Variants in KCNN3 observed in about 807,000 individuals in gnomAD.
The protein encoded by KCNN3 is potassium calcium-activated channel subfamily N member 3.
A neutral mutation model predicts 62.9 loss-of-function variants in KCNN3; 16 were observed. That is an observed-to-expected ratio of 0.25 (90% CI 0.17 to 0.39). The LOEUF (loss-of-function observed/expected upper bound fraction) is 0.39. KCNN3 is among the 10% of genes least tolerant of loss of function. The pLI is 1.00. For missense variants in KCNN3, 599 were observed against 949.4 expected (o/e 0.63, Z 4.85); for synonymous variants, 370 against 389.2 (o/e 0.95, Z 0.58).
chr1:154,830,870 G>T (rs1651353871), intron 1 of KCNN3, among the ~76,000 whole-genome samples: 1 of 152,166 alleles, frequency 6.6e-6, no homozygotes, highest in African/African-American at 2.4e-5. Context: ...TCATTTAGGA[G>T]ACCACGCTCC....
intron 3 of KCNN3, chr1:154,736,908 C>T (rs1282714700): frequency 1.5e-6 from 1 of 651,882 alleles, no homozygotes; most frequent in East Asian, 2.8e-5. Context: ...TTGAGAGTGT[C>T]CTTCGTTGTT....
intron 3 of KCNN3, among the ~76,000 whole-genome samples, chr1:154,760,324 T>G (rs1419493443): frequency 6.7e-6 from 1 of 150,242 alleles, no homozygotes; most frequent in East Asian, 1.9e-4. Flanking sequence ...ACAAAAATAC[T>G]GCCAATGAGG....
intron 3 of KCNN3, among the ~76,000 whole-genome samples, chr1:154,766,416 T>TTATATATATATATATTTATATATA (rs1553231998): frequency 4.2e-5 from 3 of 71,804 alleles, no homozygotes; most frequent in South Asian, 5.8e-4. Flanking sequence ...TAGCCAGGCT[T>TTATATATATATATATTTATATATA]TATATATATA....
chr1:154,733,234 A>G (rs1361861742), intron 3 of KCNN3, 90 bp from the exon 4 acceptor site: 1 of 1,389,330 alleles, frequency 7.2e-7, no homozygotes, highest in African/African-American at 1.4e-5. Flanking sequence ...AGGAAATGAG[A>G]TATTTTGCTG....
intron 2 of KCNN3, among the ~76,000 whole-genome samples, chr1:154,802,759 A>C (rs2101875312): frequency 6.6e-6 from 1 of 152,290 alleles, no homozygotes; most frequent in South Asian, 2.1e-4. Flanking sequence ...AGGGACCTGA[A>C]TGTTCCCACA....
intron 1 of KCNN3, among the ~76,000 whole-genome samples, chr1:154,845,441 G>C (rs1652014711): frequency 6.6e-6 from 1 of 152,188 alleles, no homozygotes; most frequent in African/African-American, 2.4e-5. Context: ...AGATGCACCT[G>C]CATTTGGGAG....
At position 154,772,072 on chromosome 1, in the gene KCNN3, T is replaced by C. The variant is rs1648584138; in HGVS notation, c.1351A>G (p.Met451Val). 6.2e-7 allele frequency: 1 copy of C among 1,614,168 alleles called. No homozygotes were observed. Among genetic ancestry groups the C allele is most frequent in the Non-Finnish European group, 8.5e-7 (1 of 1,180,032 alleles). Residue 451 changes from methionine to valine, a missense_variant, in exon 3 of 8, where the codon ATG becomes GTG. Physicochemically the swap from Met to Val is conservative, Grantham distance 21. Transcript: ENST00000271915. The surrounding 1 kb of genome is among the most constrained non-coding windows in gnomAD (Gnocchi z 5.6). ...GGGCAGATGGTCATGAGCGTCTTCA[T>C]GACAAAGCGGGTGTTGAAGTTGATC... The part of the protein sequence containing the change: ...NKINFNTRFV[M>V]KTLMTICPGT...
chr1:154,864,228 A>C (rs1429433930), intron 1 of KCNN3, among the ~76,000 whole-genome samples: 1 of 151,924 alleles, frequency 6.6e-6, no homozygotes, highest in Non-Finnish European at 1.5e-5. Context: ...GGTCTATCCT[A>C]CTCCTACTTT....
chr1:154,752,491 G>A (rs558164030), intron 3 of KCNN3, among the ~76,000 whole-genome samples: 7 of 152,230 alleles, frequency 4.6e-5, no homozygotes, highest in African/African-American at 1.2e-4. Flanking sequence ...AGGACTCTGC[G>A]GGCAGCAGCC....
At position 154,699,692 on chromosome 1, in the gene KCNN3, C is replaced by T. The variant is rs1699812882; in HGVS notation, c.*8284G>A. On this transcript the variant is annotated 3_prime_UTR_variant, in exon 8 of 8. Coordinates refer to ENST00000271915, the MANE Select transcript of KCNN3 (RefSeq NM_002249.6). ...TTAGCAATGTTTCTAGATGGTTAAA[C>T]TAACTTCTCTTGCTATTTTCCTCTA... is the stretch of plus-strand genomic sequence containing the variant. 2 of 152,138 alleles carry T rather than the reference C, an allele frequency of 1.3e-5. No homozygotes were observed. The allele number at this position is 152,138 out of a possible 1,614,324, so 9.4% of individuals were successfully genotyped here.
At chr1:154,728,167 T>C (rs1189868269) in intron 4 of KCNN3, among the ~76,000 whole-genome samples, 1 of 152,182 alleles carries the variant, frequency 6.6e-6, no homozygotes, top group African/African-American at 2.4e-5. Flanking sequence ...ATGGCCCACA[T>C]TTTAGCTGGC....
At chr1:154,829,823 G>C (rs929535271) in intron 1 of KCNN3, among the ~76,000 whole-genome samples, 3 of 152,142 alleles carry the variant, frequency 2.0e-5, no homozygotes. Flanking sequence ...CCGCTGGTCT[G>C]CCCTGGGCCC....
chr1:154,714,204 C>T (rs62649450), intron 6 of KCNN3, among the ~76,000 whole-genome samples: 2 of 56,698 alleles, frequency 3.5e-5, no homozygotes, highest in African/African-American at 1.4e-4. Flanking sequence ...GTGTGTGTGT[C>T]GTATGTGGTG....
At chr1:154,766,630 T>C (rs1340375358) in intron 3 of KCNN3, among the ~76,000 whole-genome samples, 6 of 149,126 alleles carry the variant, frequency 4.0e-5, no homozygotes, top group African/African-American at 1.5e-4. Flanking sequence ...CAACCCCATG[T>C]AGGGTGCTTC....
At chr1:154,792,415 C>G (rs1483042876) in intron 2 of KCNN3, among the ~76,000 whole-genome samples, 1 of 152,222 alleles carries the variant, frequency 6.6e-6, no homozygotes, top group Non-Finnish European at 1.5e-5. Flanking sequence ...CTTGTCCTCC[C>G]CATACAGACT....
intron 1 of KCNN3, among the ~76,000 whole-genome samples, chr1:154,829,717 GC>G (rs1372882548): frequency 6.6e-6 from 1 of 152,152 alleles, no homozygotes; most frequent in East Asian, 1.9e-4. Flanking sequence ...GCCCTCCTCA[GC>G]CCCCATCCCT....
chr1:154,719,483 C>T (rs1700301100), intron 5 of KCNN3, among the ~76,000 whole-genome samples: 1 of 152,088 alleles, frequency 6.6e-6, no homozygotes, highest in Non-Finnish European at 1.5e-5. Flanking sequence ...ACACAAATCA[C>T]TAGGGGAGAG....
At chr1:154,715,033 A>C in intron 5 of KCNN3, 30 bp from the exon 6 acceptor site, 1 of 1,612,888 alleles carries the variant, frequency 6.2e-7, no homozygotes, top group Non-Finnish European at 8.5e-7. Context: ...GTAGGCTGCT[A>C]TCAGGTTCAT....
intron 2 of KCNN3, among the ~76,000 whole-genome samples, chr1:154,798,105 G>A (rs1649805991): frequency 6.6e-6 from 1 of 152,090 alleles, no homozygotes; most frequent in South Asian, 2.1e-4. Context: ...ACAATTCCTG[G>A]GACAGGGTAG....
Sources: gnomAD v4.1 joint callset for allele counts (sites outside exome capture counted in the v4.1 genomes callset) on GRCh38, gnomAD v4.1.1 for gene constraint, Gnocchi (gnomAD v3.1) non-coding constraint, MANE v1.5 for transcripts, NCBI Gene and HGNC (gene_info 2026-07-23, HGNC 2026-07-21) for gene names.